KIF13B: variants seen among roughly 807,000 people sequenced by gnomAD.
The protein encoded by KIF13B is kinesin family member 13B.
A neutral mutation model predicts 222.0 loss-of-function variants in KIF13B; 127 were observed. The observed-to-expected ratio is 0.57, with a 90% CI of 0.50 to 0.66. The LOEUF is 0.66. Ranked by LOEUF, KIF13B falls within the 30% of genes least tolerant of loss-of-function variation. KIF13B has a pLI of 0.00. For synonymous variants in KIF13B, 976 were observed against 919.0 expected, an observed-to-expected ratio of 1.06 and a Z score of -1.12; for missense variants, 2,173 against 2,379.0, an observed-to-expected ratio of 0.91 and a Z score of 1.80.
In KIF13B at chr8:29,136,241, A is replaced by AT. The variant is rs1055181664; in HGVS notation, c.2614-2032dup. Among the ~76,000 whole-genome samples the AT allele has an allele frequency of 2.8e-4, 43 of 152,280 alleles. 3 individuals carry two copies. The highest frequency in any genetic ancestry group is 1.0e-3 in the African/African-American group (42 of 41,562). Reference sequence around the variant, plus strand: ...ATTATTTAAGGCACGGCAATATGGCATTTGGGAAGATTACAAGATATTGGA... The same window carrying AT: ...ATTATTTAAGGCACGGCAATATGGCATTTTGGGAAGATTACAAGATATTGGA... On this transcript the variant is annotated intron_variant, in intron 21 of 39. Transcript: ENST00000524189.
intron 14 of KIF13B, among the ~76,000 whole-genome samples, chr8:29,151,841 T>C (rs1284102457): frequency 2.0e-5 from 3 of 152,238 alleles, no homozygotes; most frequent in Non-Finnish European, 4.4e-5. Context: ...GAATTTTCAC[T>C]TTCAAGTCTT....
intron 2 of KIF13B, among the ~76,000 whole-genome samples, chr8:29,244,897 C>A (rs879905333): frequency 6.6e-6 from 1 of 152,148 alleles, no homozygotes; most frequent in Non-Finnish European, 1.5e-5. Flanking sequence ...TTAGGTAGGA[C>A]AGATTATAAC....
intron 2 of KIF13B, 50 bp downstream of exon 2, chr8:29,245,296 C>T: frequency 7.8e-7 from 1 of 1,279,180 alleles, no homozygotes; most frequent in Non-Finnish European, 1.1e-6. Flanking sequence ...GCCACAGTTG[C>T]TTCCAGTTAC....
intron 35 of KIF13B, among the ~76,000 whole-genome samples, chr8:29,104,122 C>T (rs999021510): frequency 1.3e-5 from 2 of 152,114 alleles, no homozygotes; most frequent in African/African-American, 4.8e-5. Flanking sequence ...CCTCAGTGCA[C>T]CTCAGTGGCC....
chr8:29,134,115 G>T lies in KIF13B; in HGVS notation c.2709C>A (p.Val903=). The part of the protein sequence containing the change: ...SFWDQQEPVI[V]APEVDTSSSS... ...AGGAGGAGGTGTCCACTTCAGGAGC[G>T]ACAATCACCGGCTCCTGTTGATCCC... Residue 903 remains valine (V), a synonymous_variant, in exon 22 of 40, where the codon GTC becomes GTA. Transcript: ENST00000524189. 1.9e-6 allele frequency: 3 copies of T among 1,613,876 alleles called. No individual in the cohort carries two copies. Among genetic ancestry groups the T allele is most frequent in the Non-Finnish European group, 2.5e-6 (3 of 1,179,784 alleles).
intron 36 of KIF13B, 26 bp from the exon 37 acceptor site, chr8:29,092,904 TAAAAC>T (rs1392591340): frequency 1.9e-6 from 3 of 1,576,738 alleles, no homozygotes; most frequent in African/African-American, 1.4e-5. Flanking sequence ...GGGAAAAAGA[TAAAAC>T]AAATACAATT....
chr8:29,138,209 C>G (rs1458513675), intron 21 of KIF13B, among the ~76,000 whole-genome samples: 1 of 152,052 alleles, frequency 6.6e-6, no homozygotes, highest in Non-Finnish European at 1.5e-5. Context: ...ATTAGCTGGG[C>G]ATGGTGGCAC....
chr8:29,133,020 C>T (rs1406803154), intron 22 of KIF13B, among the ~76,000 whole-genome samples: 1 of 152,200 alleles, frequency 6.6e-6, no homozygotes, highest in Non-Finnish European at 1.5e-5. Context: ...AAAGAAATCA[C>T]AGAATCTCCT....
At position 29,069,614 on chromosome 8, in the gene KIF13B, A is replaced by T. The variant is rs891406209; in HGVS notation, c.*890T>A. ...GGCTTTATCCTCTGCCGTCCCCAGGACCCTCCACCTGGGCAGGAGGCCAGC... is the reference window on the plus strand; with the variant it reads ...GGCTTTATCCTCTGCCGTCCCCAGGTCCCTCCACCTGGGCAGGAGGCCAGC... On this transcript the variant is annotated 3_prime_UTR_variant, in exon 40 of 40. Transcript: ENST00000524189. The T allele has an allele frequency of 6.6e-6, 1 of 151,990 alleles. No homozygotes were observed. Among genetic ancestry groups the T allele is most frequent in the Non-Finnish European group, 1.5e-5 (1 of 68,024 alleles). 9.4% of individuals were successfully genotyped at this position (151,990 alleles called of 1,614,324 possible).
At chr8:29,133,949 G>T in intron 22 of KIF13B, 91 bp downstream of exon 22, 2 of 1,241,012 alleles carry the variant, frequency 1.6e-6, no homozygotes, top group South Asian at 1.5e-5. Context: ...GACATATAAC[G>T]GCACATTTAG....
intron 2 of KIF13B, among the ~76,000 whole-genome samples, chr8:29,221,695 T>C (rs1814760013): frequency 6.6e-6 from 1 of 152,196 alleles, no homozygotes; most frequent in South Asian, 2.1e-4. Context: ...AAAAGAATTT[T>C]GTGAAGCCTT....
intron 36 of KIF13B, among the ~76,000 whole-genome samples, chr8:29,094,891 G>A (rs1256714581): frequency 6.8e-6 from 1 of 146,584 alleles, no homozygotes. Context: ...TGACTGAAAT[G>A]AAAAAATTCC....
chr8:29,151,358 C>G (rs1811289661), intron 14 of KIF13B, among the ~76,000 whole-genome samples: 1 of 152,218 alleles, frequency 6.6e-6, no homozygotes, highest in African/African-American at 2.4e-5. Flanking sequence ...GATGGAGAAG[C>G]TGCAGCAAGA....
chr8:29,101,296 G>A (rs1052134998), intron 35 of KIF13B, among the ~76,000 whole-genome samples: 3 of 152,118 alleles, frequency 2.0e-5, no homozygotes, highest in Non-Finnish European at 4.4e-5. Context: ...GTACAGTGGC[G>A]AGCTCACACA....
At chr8:29,220,302 C>T (rs940962545) in intron 2 of KIF13B, among the ~76,000 whole-genome samples, 1 of 152,090 alleles carries the variant, frequency 6.6e-6, no homozygotes, top group African/African-American at 2.4e-5. Flanking sequence ...TGGTCACTAG[C>T]CTTGCCTGGT....
At chr8:29,239,548 G>A (rs1815667382) in intron 2 of KIF13B, among the ~76,000 whole-genome samples, 1 of 152,232 alleles carries the variant, frequency 6.6e-6, no homozygotes, top group Non-Finnish European at 1.5e-5. Context: ...AACGGAAGGA[G>A]GAGGAGGCAA....
chr8:29,157,566 G>A (rs1471466834), intron 13 of KIF13B, among the ~76,000 whole-genome samples: 1 of 151,948 alleles, frequency 6.6e-6, no homozygotes, highest in Non-Finnish European at 1.5e-5. Flanking sequence ...TTAGCCAGGT[G>A]TGGTGGCACA....
intron 2 of KIF13B, among the ~76,000 whole-genome samples, chr8:29,244,863 C>A (rs1475149973): frequency 3.3e-5 from 5 of 152,142 alleles, no homozygotes; most frequent in African/African-American, 1.2e-4. Context: ...AAGTTACAAT[C>A]CAAAACAATC....
intron 35 of KIF13B, among the ~76,000 whole-genome samples, chr8:29,107,265 C>T (rs915803326): frequency 2.0e-5 from 3 of 152,220 alleles, no homozygotes; most frequent in East Asian, 3.9e-4. Flanking sequence ...CAGTGGCTCA[C>T]GCCTGTAATC....
Sources: allele counts gnomAD v4.1 joint callset (sites outside exome capture counted in the v4.1 genomes callset), GRCh38; gene constraint gnomAD v4.1.1; transcripts MANE v1.5; gene names NCBI Gene and HGNC (gene_info 2026-07-23, HGNC 2026-07-21).